The following SNRNP200 variants were observed in gnomAD, a reference collection of about 807,000 sequenced individuals.
SNRNP200 encodes U5 small nuclear ribonucleoprotein 200 kDa helicase.
In SNRNP200, 66 loss-of-function variants were observed where a neutral mutation model predicts 255.2. The ratio of observed to expected loss-of-function variants is 0.26; its 90% CI spans 0.21 to 0.32. The LOEUF is 0.32. SNRNP200 is among the 10% of genes least tolerant of loss of function. The pLI is 1.00. For synonymous variants in SNRNP200, 939 were observed against 1,027.8 expected, an observed-to-expected ratio of 0.91 and a Z score of 1.65; for missense variants, 1,585 against 2,749.8, an observed-to-expected ratio of 0.58 and a Z score of 9.47.
intron 34 of SNRNP200, 62 bp from the exon 35 acceptor site, chr2:96,281,984 G>T: frequency 1.6e-6 from 2 of 1,282,616 alleles, no homozygotes; most frequent in Non-Finnish European, 2.3e-6. Flanking sequence ...TAGGCTCACT[G>T]CCTCATGGGC....
At chr2:96,288,057 G>A in intron 24 of SNRNP200, 88 bp from the exon 25 acceptor site, 2 of 1,193,386 alleles carry the variant, frequency 1.7e-6, no homozygotes, top group Non-Finnish European at 1.2e-6. Flanking sequence ...ATTACCTCCA[G>A]CTCTGACACA....
chr2:96,297,169 G>A (rs1413159294), intron 11 of SNRNP200, 99 bp from the exon 12 acceptor site: 6 of 1,576,268 alleles, frequency 3.8e-6, no homozygotes, highest in Non-Finnish European at 5.2e-6. Flanking sequence ...CAATCTCTTT[G>A]CATAACTTTC....
At position 96,291,794 on chromosome 2, in the gene SNRNP200, G is replaced by A. The variant is rs2063885748; in HGVS notation, c.2267C>T (p.Ser756Leu). Residue 756 changes from serine (S) to leucine (L), a missense_variant, in exon 17 of 45, where the codon TCA becomes TTA. Coordinates refer to ENST00000323853, the MANE Select transcript of SNRNP200 (RefSeq NM_014014.5). The surrounding 1 kb of genome is among the most constrained non-coding windows in gnomAD (Gnocchi z 4.2). ...DTLGLFLREG[S>L]ASTEVLRTEA... ...TGTTCGCAGGACTTCTGTGGAGGCTGAGCCCTCCCTCAGAAACAGACCCAG... is the reference window on the plus strand; with the variant it reads ...TGTTCGCAGGACTTCTGTGGAGGCTAAGCCCTCCCTCAGAAACAGACCCAG... 6.2e-7 allele frequency: 1 copy of A among 1,614,022 alleles called. No homozygotes were observed.
Position 96,278,912 on chromosome 2 carries a change from G to A in SNRNP200, c.5220C>T (p.Ile1740=), listed in dbSNP as rs746963506. The A allele has an allele frequency of 1.8e-5, 29 of 1,614,014 alleles. No homozygotes were observed. Among genetic ancestry groups the A allele is most frequent in the Admixed American group, 6.7e-5 (4 of 60,000 alleles). Residue 1740 remains isoleucine (I), a synonymous_variant, in exon 37 of 45, where the codon ATC becomes ATT. Transcript: ENST00000323853. This position sits in a 1 kb window ranked among gnomAD's most constrained non-coding sequence, Gnocchi z 6.9. ...GCTTGTTCTCAATGGTCTTGGTGACGATCTCAGCATTGAAGTGGTCATGCA... is the reference window on the plus strand; with the variant it reads ...GCTTGTTCTCAATGGTCTTGGTGACAATCTCAGCATTGAAGTGGTCATGCA... ...HCMHDHFNAE[I]VTKTIENKQD...
chr2:96,300,904 G>C lies in SNRNP200; in HGVS notation c.630+94C>G, dbSNP rs914253584. ...CCATACAACACCATAAAATTTATCT[G>C]GTTTAAACTAGAGAGCTTGTTTACA... On this transcript the variant is annotated intron_variant, in intron 5 of 44. Coordinates refer to ENST00000323853, the MANE Select transcript of SNRNP200 (RefSeq NM_014014.5). 20 of 1,040,750 alleles carry C rather than the reference G, an allele frequency of 1.9e-5. No homozygotes were observed. The African/African-American group carries it at 3.1e-4, about 16-fold the overall frequency. The allele number at this position is 1,040,750 out of a possible 1,614,324, so 64.5% of individuals were successfully genotyped here.
Position 96,303,012 on chromosome 2 carries a change from C to G in SNRNP200, c.381+147G>C. The G allele has an allele frequency of 3.5e-6, 3 of 849,982 alleles. No individual in the cohort carries two copies. The South Asian group carries it at 4.2e-5, about 12-fold the overall frequency. 52.7% of individuals were successfully genotyped at this position (849,982 alleles called of 1,614,324 possible). On this transcript the variant is annotated intron_variant, in intron 3 of 44. Transcript: ENST00000323853. ...ATTGATTAAATGACCAGCCTCCATT[C>G]TGAACTACCTAAGTGCTGCCAGCCA...
At chr2:96,297,584 A>G (rs1235305693) in intron 10 of SNRNP200, 48 bp from the exon 11 acceptor site, 2 of 1,614,172 alleles carry the variant, frequency 1.2e-6, no homozygotes, top group South Asian at 2.2e-5. Context: ...CAAGCCGAGC[A>G]AGTGAGTTTT....
intron 3 of SNRNP200, among the ~76,000 whole-genome samples, chr2:96,302,764 C>T (rs1476481706): frequency 1.3e-5 from 2 of 152,152 alleles, no homozygotes; most frequent in African/African-American, 2.4e-5. Context: ...TAGAGCAGAT[C>T]AGGGAAACAC....
Position 96,296,596 on chromosome 2 carries a change from C to T in SNRNP200, c.1611G>A (p.Lys537=). Reference sequence around the variant, plus strand: ...AGCGCATGGGGGCAATGTAGATAATCTTGAAGTCATCCACATTGATGGTGC... The same window carrying T: ...AGCGCATGGGGGCAATGTAGATAATTTTGAAGTCATCCACATTGATGGTGC... ...MDGTINVDDF[K]IIYIAPMRSL... Residue 537 remains lysine (K), a synonymous_variant, in exon 13 of 45, where the codon AAG becomes AAA. Transcript: ENST00000323853. 6.2e-7 allele frequency: 1 copy of T among 1,614,120 alleles called. No individual in the cohort carries two copies.
At chr2:96,275,434 A>G in intron 43 of SNRNP200, 85 bp from the exon 44 acceptor site, 1 of 1,160,572 alleles carries the variant, frequency 8.6e-7, no homozygotes, top group Admixed American at 1.7e-5. Context: ...TACAAAAGAG[A>G]GAACAAAAAT....
chr2:96,290,893 T>A lies in SNRNP200; in HGVS notation c.2422-78A>T, dbSNP rs751130006. On this transcript the variant is annotated intron_variant, in intron 18 of 44. Transcript: ENST00000323853. The surrounding 1 kb of genome is among the most constrained non-coding windows in gnomAD (Gnocchi z 4.5). ...AATATCCCTGGCTTCTCTAGGCAGTTGGCCTCAGAGCTTCTCTCAGGACTA... is the reference window on the plus strand; with the variant it reads ...AATATCCCTGGCTTCTCTAGGCAGTAGGCCTCAGAGCTTCTCTCAGGACTA... The A allele has an allele frequency of 4.4e-6, 7 of 1,590,784 alleles. No homozygotes were observed. Among genetic ancestry groups the A allele is most frequent in the Non-Finnish European group, 6.0e-6 (7 of 1,162,610 alleles).
Position 96,283,530 on chromosome 2 carries a change from C to A in SNRNP200, c.4763+5G>T, listed in dbSNP as rs201505794. On this transcript the variant is annotated splice_donor_5th_base_variant and intron_variant, in intron 33 of 44. Coordinates refer to ENST00000323853, the MANE Select transcript of SNRNP200 (RefSeq NM_014014.5). This position sits in a 1 kb window ranked among gnomAD's most constrained non-coding sequence, Gnocchi z 4.7. ...CCCAACCCCCAGACGCCAGGCCCCA[C>A]CTACCTCTGCCGTTGGATGTCTGCT... 4 of 1,614,158 alleles carry A rather than the reference C, an allele frequency of 2.5e-6. No individual in the cohort carries two copies. In the South Asian group the frequency reaches 3.3e-5, roughly 13 times the overall value.
chr2:96,288,261 G>T (rs2063856063), intron 24 of SNRNP200, among the ~76,000 whole-genome samples: 1 of 152,204 alleles, frequency 6.6e-6, no homozygotes, highest in South Asian at 2.1e-4. Flanking sequence ...GTTCTAGGAA[G>T]AGTTGAGGGT....
intron 35 of SNRNP200, chr2:96,281,050 G>C (rs1684751826): frequency 6.6e-6 from 1 of 151,178 alleles, no homozygotes; most frequent in Non-Finnish European, 1.5e-5. Context: ...TTTTTGTAGA[G>C]ACGGGGTTTT....
rs766483150 is a variant in SNRNP200 at position 96,286,901 on chromosome 2, A to G, written c.3640-24T>C. The G allele has an allele frequency of 1.7e-5, 28 of 1,614,056 alleles. 1 individual carries two copies. In the Middle Eastern group the frequency reaches 1.2e-3, roughly 66 times the overall value. On this transcript the variant is annotated intron_variant, in intron 27 of 44. Coordinates refer to ENST00000323853, the MANE Select transcript of SNRNP200 (RefSeq NM_014014.5). This position sits in a 1 kb window ranked among gnomAD's most constrained non-coding sequence, Gnocchi z 4.8. Reference sequence around the variant, plus strand: ...ACCTGCCAACAGGAGCAAGGGTAAAAGGAATGTGAGTCAACGTAGACTGAG... The same window carrying G: ...ACCTGCCAACAGGAGCAAGGGTAAAGGGAATGTGAGTCAACGTAGACTGAG...
chr2:96,279,078 G>T, intron 36 of SNRNP200, 80 bp from the exon 37 acceptor site: 1 of 1,171,860 alleles, frequency 8.5e-7, no homozygotes, highest in Non-Finnish European at 1.3e-6. Context: ...AATCAACAGG[G>T]CATGGTCCCT....
In SNRNP200 at chr2:96,295,508, G is replaced by C. The variant is rs775416993; in HGVS notation, c.1822C>G (p.Leu608Val). 8 of 1,613,516 alleles carry C rather than the reference G, an allele frequency of 5.0e-6. No homozygotes were observed. Among genetic ancestry groups the C allele is most frequent in the Non-Finnish European group, 6.8e-6 (8 of 1,179,988 alleles). ...CTCACCAGAATGATGAGCCGCACCAGCTGGGTGTAGGTGCGCTCACCACCC... is the reference window on the plus strand; with the variant it reads ...CTCACCAGAATGATGAGCCGCACCACCTGGGTGTAGGTGCGCTCACCACCC... Reference protein sequence around the residue: ...RKGGERTYTQLVRLIILDEIH... With the variant: ...RKGGERTYTQVVRLIILDEIH... The change falls in exon 14 of 45, where the codon CTG becomes GTG. Residue 608 changes from leucine (L) to valine (V), a missense_variant. Physicochemically the swap from Leu to Val is conservative, Grantham distance 32 (BLOSUM62 1). Coordinates refer to ENST00000323853, the MANE Select transcript of SNRNP200 (RefSeq NM_014014.5).
chr2:96,302,498 G>A (rs1238252663), intron 3 of SNRNP200, among the ~76,000 whole-genome samples: 1 of 152,136 alleles, frequency 6.6e-6, no homozygotes, highest in Non-Finnish European at 1.5e-5. Context: ...AGGCTTCTGT[G>A]ACAATTCCTC....
At chr2:96,275,458 A>C in intron 43 of SNRNP200, 109 bp from the exon 44 acceptor site, 2 of 921,470 alleles carry the variant, frequency 2.2e-6, no homozygotes, top group Non-Finnish European at 3.5e-6. Flanking sequence ...ATAGCTTTCC[A>C]AAGTTTCTTC....
Sources: gnomAD v4.1 joint callset for allele counts (sites outside exome capture counted in the v4.1 genomes callset) on GRCh38, gnomAD v4.1.1 for gene constraint, Gnocchi (gnomAD v3.1) non-coding constraint, MANE v1.5 for transcripts, NCBI Gene and HGNC (gene_info 2026-07-23, HGNC 2026-07-21) for gene names.